Variants in HDAC3 observed in about 807,000 individuals in gnomAD.
HDAC3 encodes histone deacetylase 3.
HDAC3 carries 21 observed loss-of-function variants against 62.3 expected under a neutral mutation model. That is an observed-to-expected ratio of 0.34 (90% CI 0.24 to 0.49). The LOEUF (loss-of-function observed/expected upper bound fraction) is 0.49, where lower values mean the gene tolerates loss of function less well. Ranked by LOEUF, HDAC3 falls within the 20% of genes least tolerant of loss-of-function variation. The pLI, the probability that HDAC3 is intolerant of heterozygous loss-of-function variation, is 0.99. For missense variants in HDAC3, 270 were observed against 556.9 expected, an observed-to-expected ratio of 0.48 and a Z score of 5.19; for synonymous variants, 198 against 206.5, an observed-to-expected ratio of 0.96 and a Z score of 0.35.
Position 141,625,218 on chromosome 5 carries a change from TCTC to T in HDAC3, c.1204_1206del (p.Glu402del), listed in dbSNP as rs761813535. 1 of 1,608,684 alleles carries T rather than the reference TCTC, an allele frequency of 6.2e-7. No individual in the cohort carries two copies. The highest frequency in any genetic ancestry group is 1.1e-5 in the South Asian group (1 of 89,922). On this transcript the variant is annotated inframe_deletion, in exon 14 of 15. Transcript: ENST00000305264. This position sits in a 1 kb window ranked among gnomAD's most constrained non-coding sequence, Gnocchi z 4.0. ...TCCCTGCTCCCAGACCTGCTATAGTTCTCCTCAGGACCCCTCTCCTCTGCATCA... is the reference window on the plus strand; with the variant it reads ...TCCCTGCTCCCAGACCTGCTATAGTTCTCAGGACCCCTCTCCTCTGCATCA...
intron 3 of HDAC3, among the ~76,000 whole-genome samples, chr5:141,631,026 T>A (rs1004911415): frequency 6.6e-6 from 1 of 151,932 alleles, no homozygotes; most frequent in Non-Finnish European, 1.5e-5. Context: ...TCAGAACTCT[T>A]ACACCTAAAA....
rs1193258985 is a variant in HDAC3, at chr5:141,628,960, A to T, written c.610+213T>A. Among the ~76,000 whole-genome samples, 1 of 152,170 alleles carries T rather than the reference A, an allele frequency of 6.6e-6. No homozygotes were observed. The highest frequency in any genetic ancestry group is 1.5e-5 in the Non-Finnish European group (1 of 68,034). The stretch of plus-strand genomic sequence containing the variant: ...AGTAAACAAAACAAAACAAAAAACC[A>T]CAATAAACACAAATAGCAGTGAGTG... On this transcript the variant is annotated intron_variant, in intron 7 of 14. Coordinates refer to ENST00000305264, the MANE Select transcript of HDAC3 (RefSeq NM_003883.4). The surrounding 1 kb of genome is among the most constrained non-coding windows in gnomAD (Gnocchi z 4.7).
At chr5:141,630,193 C>T in intron 3 of HDAC3, 68 bp from the exon 4 acceptor site, 1 of 1,393,438 alleles carries the variant, frequency 7.2e-7, no homozygotes, top group Non-Finnish European at 1.0e-6. Context: ...TCTCCCTCCC[C>T]ATCCTAGATT....
chr5:141,625,718 G>A lies in HDAC3; in HGVS notation c.1026C>T (p.Val342=), dbSNP rs1357036734. ...AGTTCTGATTCTCGATGCGGGTGCT[G>A]ACATCTGGATGAAGTGTGAAGTCTG... The part of the protein sequence containing the change: ...FAPDFTLHPD[V]STRIENQNSR... Residue 342 remains valine, a synonymous_variant, in exon 13 of 15, where the codon GTC becomes GTT. Transcript: ENST00000305264. The surrounding 1 kb of genome is among the most constrained non-coding windows in gnomAD (Gnocchi z 4.0). The A allele has an allele frequency of 6.2e-7, 1 of 1,614,076 alleles. No individual in the cohort carries two copies. Among genetic ancestry groups the A allele is most frequent in the Non-Finnish European group, 8.5e-7 (1 of 1,180,032 alleles).
At chr5:141,624,056 A>AC (rs1460574863) in intron 14 of HDAC3, among the ~76,000 whole-genome samples, 1 of 151,682 alleles carries the variant, frequency 6.6e-6, no homozygotes, top group African/African-American at 2.4e-5. Flanking sequence ...TAAAAAAAAA[A>AC]AAAAAACATA....
chr5:141,627,553 C>A (rs2099904620), intron 10 of HDAC3, among the ~76,000 whole-genome samples: 1 of 152,136 alleles, frequency 6.6e-6, no homozygotes, highest in African/African-American at 2.4e-5. Context: ...TCTCAGCTTT[C>A]TTTTTTTCTT....
At position 141,626,548 on chromosome 5, in the gene HDAC3, A is replaced by T. The variant is rs556991495; in HGVS notation, c.831-265T>A. 49 of 443,412 alleles carry T rather than the reference A, an allele frequency of 1.1e-4. No individual in the cohort carries two copies. Among genetic ancestry groups the T allele is most frequent in the Non-Finnish European group, 1.9e-4 (46 of 240,816 alleles). The allele number at this position is 443,412 out of a possible 1,614,324, so 27.5% of individuals were successfully genotyped here. Reference sequence around the variant, plus strand: ...CCCTGCCTGCTAATCAACTATTCTCATCAACCCAAGTTCTGTCAATTCTAG... The same window carrying T: ...CCCTGCCTGCTAATCAACTATTCTCTTCAACCCAAGTTCTGTCAATTCTAG... On this transcript the variant is annotated intron_variant, in intron 10 of 14. Transcript: ENST00000305264. The surrounding 1 kb of genome is among the most constrained non-coding windows in gnomAD (Gnocchi z 4.6).
chr5:141,630,203 T>G (rs1452084544), intron 3 of HDAC3, 78 bp from the exon 4 acceptor site: 7 of 1,297,442 alleles, frequency 5.4e-6, no homozygotes, highest in Non-Finnish European at 7.8e-6. Flanking sequence ...CATCCTAGAT[T>G]CCTCCAATCT....
chr5:141,623,506 CA>C (rs1383892205), intron 14 of HDAC3, among the ~76,000 whole-genome samples: 2 of 152,112 alleles, frequency 1.3e-5, no homozygotes, highest in African/African-American at 2.4e-5. Context: ...ATAAAAAACC[CA>C]AAAGGAAGAA....
In HDAC3 at chr5:141,628,267, C is replaced by T; in HGVS notation, c.692-80G>A. On this transcript the variant is annotated intron_variant, in intron 8 of 14. Coordinates refer to ENST00000305264, the MANE Select transcript of HDAC3 (RefSeq NM_003883.4). The surrounding 1 kb of genome is among the most constrained non-coding windows in gnomAD (Gnocchi z 4.7). ...GAACAAAAGGAAAAAGGGGGTTGAG[C>T]GAGCATGTAGCCCAGGAAAGGGGCC... 4 of 1,239,262 alleles carry T rather than the reference C, an allele frequency of 3.2e-6. No homozygotes were observed. Among genetic ancestry groups the T allele is most frequent in the African/African-American group, 1.5e-5 (1 of 67,374 alleles). 76.8% of individuals were successfully genotyped at this position (1,239,262 alleles called of 1,614,324 possible).
At position 141,628,771 on chromosome 5, in the gene HDAC3, A is replaced by C. The variant is rs368083837; in HGVS notation, c.611-132T>G. ...CACCATAAACTCCCTAGAGCCACTA[A>C]ATCTCTTGCAGCTTGCATTCATTGG... On this transcript the variant is annotated intron_variant, in intron 7 of 14. Coordinates refer to ENST00000305264, the MANE Select transcript of HDAC3 (RefSeq NM_003883.4). This position sits in a 1 kb window ranked among gnomAD's most constrained non-coding sequence, Gnocchi z 4.7. The C allele has an allele frequency of 1.5e-6, 1 of 661,640 alleles. No homozygotes were observed. The allele number at this position is 661,640 out of a possible 1,614,324, so 41.0% of individuals were successfully genotyped here.
At chr5:141,621,573 C>T in intron 14 of HDAC3, 36 bp from the exon 15 acceptor site, 1 of 1,564,208 alleles carries the variant, frequency 6.4e-7, no homozygotes, top group Non-Finnish European at 8.8e-7. Flanking sequence ...GGATCTCACT[C>T]TAAGTTCTAA....
At chr5:141,630,833 T>G (rs1015521196) in intron 3 of HDAC3, among the ~76,000 whole-genome samples, 6 of 151,814 alleles carry the variant, frequency 4.0e-5, no homozygotes, top group African/African-American at 1.2e-4. Flanking sequence ...AGTGGAAATT[T>G]CCTGTACCTT....
chr5:141,628,195 A>G lies in HDAC3; in HGVS notation c.692-8T>C. On this transcript the variant is annotated splice_region_variant and splice_polypyrimidine_tract_variant and intron_variant, in intron 8 of 14. Transcript: ENST00000305264. The surrounding 1 kb of genome is among the most constrained non-coding windows in gnomAD (Gnocchi z 4.7). ...GGAAAAGGTGCTTGTAACCTGGGAG[A>G]GGGCCAAAGATGGGCACCTGGCACC... is the stretch of plus-strand genomic sequence containing the variant. The G allele has an allele frequency of 6.2e-7, 1 of 1,613,844 alleles. No homozygotes were observed. Among genetic ancestry groups the G allele is most frequent in the Non-Finnish European group, 8.5e-7 (1 of 1,179,800 alleles).
chr5:141,636,635 G>A lies in HDAC3; in HGVS notation c.56-5C>T, dbSNP rs1440688830. The A allele has an allele frequency of 3.1e-6, 5 of 1,614,106 alleles. No homozygotes were observed. In the Admixed American group the frequency reaches 8.3e-5, roughly 27 times the overall value. ...GCTTCATAGGGTGTCCAGCTCCTGG[G>A]GGTGGGGAGAAGAGAGTTCGTCAGC... On this transcript the variant is annotated splice_region_variant and splice_polypyrimidine_tract_variant and intron_variant, in intron 1 of 14. Transcript: ENST00000305264.
rs1352887468 is a variant in HDAC3, at chr5:141,626,821, T to C, written c.831-538A>G. 6.7e-6 allele frequency among the ~76,000 whole-genome samples: 1 copy of C among 148,750 alleles called. No individual in the cohort carries two copies. Among genetic ancestry groups the C allele is most frequent in the East Asian group, 2.0e-4 (1 of 4,964 alleles). The stretch of plus-strand genomic sequence containing the variant: ...ATATACACACACACACACACACACC[T>C]CTCAGATCATCTACTTCTCTCCATT... On this transcript the variant is annotated intron_variant, in intron 10 of 14. Coordinates refer to ENST00000305264, the MANE Select transcript of HDAC3 (RefSeq NM_003883.4). This position sits in a 1 kb window ranked among gnomAD's most constrained non-coding sequence, Gnocchi z 4.6.
In HDAC3 at chr5:141,628,872, T is replaced by C. The variant is rs1193043453; in HGVS notation, c.611-233A>G. 2.0e-5 allele frequency among the ~76,000 whole-genome samples: 3 copies of C among 152,216 alleles called. No homozygotes were observed. The highest frequency in any genetic ancestry group is 2.9e-5 in the Non-Finnish European group (2 of 68,040). On this transcript the variant is annotated intron_variant, in intron 7 of 14. Transcript: ENST00000305264. The surrounding 1 kb of genome is among the most constrained non-coding windows in gnomAD (Gnocchi z 4.7). ...GGGATGCAGCAACGAATGGAACTAA[T>C]GAAATTTACGATATCCCACCACGCT...
At chr5:141,623,137 A>G (rs947973015) in intron 14 of HDAC3, among the ~76,000 whole-genome samples, 6 of 152,118 alleles carry the variant, frequency 3.9e-5, no homozygotes, top group Non-Finnish European at 8.8e-5. Context: ...AAAAAGAAAG[A>G]AAGAAAGTTA....
Position 141,629,564 on chromosome 5 carries a change from G to T in HDAC3, c.476+120C>A. 1 of 1,056,238 alleles carries T rather than the reference G, an allele frequency of 9.5e-7. No homozygotes were observed. The highest frequency in any genetic ancestry group is 1.4e-6 in the Non-Finnish European group (1 of 704,140). The allele number at this position is 1,056,238 out of a possible 1,614,324, so 65.4% of individuals were successfully genotyped here. On this transcript the variant is annotated intron_variant, in intron 6 of 14. Transcript: ENST00000305264. This position sits in a 1 kb window ranked among gnomAD's most constrained non-coding sequence, Gnocchi z 5.3. ...CAGTGGAAGAGGCAGCCTGAATAAA[G>T]CATCAAGAACTTGGGAGAAGCTAAT...
Sources: gnomAD v4.1 joint callset for allele counts (sites outside exome capture counted in the v4.1 genomes callset) on GRCh38, gnomAD v4.1.1 for gene constraint, Gnocchi (gnomAD v3.1) non-coding constraint, MANE v1.5 for transcripts, NCBI Gene and HGNC (gene_info 2026-07-23, HGNC 2026-07-21) for gene names.